Variants in OSBPL9 observed in about 807,000 individuals in gnomAD.
OSBPL9 encodes the protein oxysterol binding protein like 9, also known as oxysterol-binding protein-related protein 9.
OSBPL9 carries 40 observed loss-of-function variants against 106.6 expected under a neutral mutation model. The ratio of observed to expected loss-of-function variants is 0.38; its 90% CI spans 0.29 to 0.49. The LOEUF is 0.49. OSBPL9 is among the 20% of genes least tolerant of loss of function. The probability of loss-of-function intolerance (pLI) is 0.97; values close to 1 mark genes in which losing one functional copy is unlikely to be tolerated. For synonymous variants in OSBPL9, 269 were observed against 295.4 expected (o/e 0.91, Z 0.92); for missense variants, 609 against 887.2 (o/e 0.69, Z 3.98).
the OSBPL9 span, among the ~76,000 whole-genome samples, chr1:51,526,450 T>G: frequency 6.6e-6 from 1 of 152,316 alleles, no homozygotes; most frequent in East Asian, 1.9e-4. Context: ...CTGGAGATTC[T>G]CTTTTTTGTA....
intron 8 of OSBPL9, among the ~76,000 whole-genome samples, chr1:51,756,034 A>G (rs576537351): frequency 3.5e-4 from 54 of 152,324 alleles, no homozygotes; most frequent in African/African-American, 1.3e-3. Flanking sequence ...TTTGCCTGGA[A>G]TTTTGAATGT....
At chr1:51,712,887 T>C (rs1476553247) in intron 3 of OSBPL9, among the ~76,000 whole-genome samples, 1 of 152,262 alleles carries the variant, frequency 6.6e-6, no homozygotes, top group East Asian at 1.9e-4. Flanking sequence ...TTTCATTTGC[T>C]TTTGCTAGTA....
At chr1:51,741,042 A>T (rs1286082819) in intron 4 of OSBPL9, among the ~76,000 whole-genome samples, 2 of 149,030 alleles carry the variant, frequency 1.3e-5, no homozygotes, top group Non-Finnish European at 3.0e-5. Context: ...GTGTATGTGT[A>T]AAGTATAAAT....
chr1:51,766,914 A>C (rs79406341), intron 12 of OSBPL9, among the ~76,000 whole-genome samples: 2 of 100,584 alleles, frequency 2.0e-5, no homozygotes, highest in Non-Finnish European at 4.2e-5. Context: ...TAAAAATACC[A>C]AAAAAAAAAA....
intron 2 of OSBPL9, among the ~76,000 whole-genome samples, chr1:51,661,882 C>T (rs980971573): frequency 6.6e-6 from 1 of 152,104 alleles, no homozygotes; most frequent in Non-Finnish European, 1.5e-5. Context: ...ATTGGTAAAC[C>T]TTAAGCTATT....
chr1:51,521,441 G>T, the OSBPL9 span, among the ~76,000 whole-genome samples: 1 of 152,234 alleles, frequency 6.6e-6, no homozygotes, highest in African/African-American at 2.4e-5. Context: ...GAAAGGCAGT[G>T]CAGAGTAGCA....
chr1:51,601,971 G>C (rs1211600066), intron 2 of OSBPL9, among the ~76,000 whole-genome samples: 2 of 147,830 alleles, frequency 1.4e-5, no homozygotes, highest in South Asian at 4.2e-4. Context: ...AATCCCGTCT[G>C]CCTGGCTGTC....
At chr1:51,579,651 A>G (rs952068911) in intron 1 of OSBPL9, among the ~76,000 whole-genome samples, 2 of 151,998 alleles carry the variant, frequency 1.3e-5, no homozygotes, top group African/African-American at 4.8e-5. Flanking sequence ...GTACTTTCCC[A>G]GAAGTTTGAG....
the OSBPL9 span, among the ~76,000 whole-genome samples, chr1:51,540,716 T>C: frequency 2.6e-5 from 4 of 151,426 alleles, no homozygotes; most frequent in Admixed American, 2.6e-4. Flanking sequence ...TCCAGCACTT[T>C]GGGAGGTCAA....
Position 51,729,776 on chromosome 1 carries a change from C to T in OSBPL9, c.318+15697C>T. The T allele has an allele frequency of 8.2e-7, 1 of 1,216,248 alleles. No individual in the cohort carries two copies. Among genetic ancestry groups the T allele is most frequent in the Non-Finnish European group, 1.0e-6 (1 of 967,488 alleles). 75.3% of individuals were successfully genotyped at this position (1,216,248 alleles called of 1,614,324 possible). On this transcript the variant is annotated intron_variant, in intron 4 of 23. Transcript: ENST00000428468. The surrounding 1 kb of genome is among the most constrained non-coding windows in gnomAD (Gnocchi z 5.1). ...CGCCAGGGCCAGCCAATCGGGGCGA[C>T]CCCTCCGCCGGGGAGGGGACGGGAA...
At position 51,609,507 on chromosome 1, in the gene OSBPL9, C is replaced by CTT. The variant is rs77430161; in HGVS notation, c.-352-4783_-352-4782dup. Among the ~76,000 whole-genome samples the CTT allele has an allele frequency of 1.2e-4, 16 of 133,400 alleles. No individual in the cohort carries two copies. In the East Asian group the frequency reaches 1.7e-3, roughly 14 times the overall value. The allele number at this position is 133,400 out of a possible 152,430, so 87.5% of individuals were successfully genotyped here. ...TACAGGTATGTGCCACCATGCCTGG[C>CTT]TTTTTTTTTTTTTTTTGGTAGAGAC... On this transcript the variant is annotated intron_variant, in intron 2 of 25. Coordinates refer to the OSBPL9 transcript ENST00000371714.
At chr1:51,554,199 G>C in the OSBPL9 span, among the ~76,000 whole-genome samples, 1 of 152,186 alleles carries the variant, frequency 6.6e-6, no homozygotes, top group African/African-American at 2.4e-5. Context: ...CACACACAGA[G>C]GGAGAGAGAG....
chr1:51,760,606 G>A, intron 9 of OSBPL9, 84 bp from the exon 10 acceptor site: 1 of 1,589,050 alleles, frequency 6.3e-7, no homozygotes, highest in Non-Finnish European at 8.6e-7. Context: ...TCAGGATTTT[G>A]AAGTCATAAA....
chr1:51,650,702 T>C (rs1407886107), intron 1 of OSBPL9, among the ~76,000 whole-genome samples: 1 of 152,190 alleles, frequency 6.6e-6, no homozygotes, highest in Non-Finnish European at 1.5e-5. Context: ...AATCATTCAA[T>C]ATTGGCTTGT....
At chr1:51,636,457 C>T (rs895462510) in intron 1 of OSBPL9, among the ~76,000 whole-genome samples, 2 of 151,938 alleles carry the variant, frequency 1.3e-5, no homozygotes, top group Non-Finnish European at 1.5e-5. Context: ...CCCACCTCAG[C>T]CTCCCAAGTA....
chr1:51,690,698 A>G (rs1399851122), intron 3 of OSBPL9, among the ~76,000 whole-genome samples: 2 of 152,238 alleles, frequency 1.3e-5, no homozygotes, highest in Non-Finnish European at 2.9e-5. Flanking sequence ...GGGATACATC[A>G]ATATATAAAA....
At chr1:51,695,676 C>T (rs988454710) in intron 3 of OSBPL9, among the ~76,000 whole-genome samples, 2 of 152,076 alleles carry the variant, frequency 1.3e-5, no homozygotes, top group Non-Finnish European at 1.5e-5. Context: ...CCTAGAGATT[C>T]CATTCTCATT....
At chr1:51,590,095 G>A (rs1299737878) in intron 1 of OSBPL9, among the ~76,000 whole-genome samples, 1 of 151,842 alleles carries the variant, frequency 6.6e-6, no homozygotes, top group Admixed American at 6.6e-5. Context: ...GCTCTTGTGG[G>A]TCATGGTAAG....
chr1:51,580,934 A>ACTT (rs1645217605), intron 1 of OSBPL9, among the ~76,000 whole-genome samples: 1 of 410 alleles, frequency 2.4e-3, no homozygotes, highest in African/African-American at 7.5e-3. Flanking sequence ...ATATATATAT[A>ACTT]TATATATATA....
Sources: gnomAD v4.1 joint callset for allele counts (sites outside exome capture counted in the v4.1 genomes callset) on GRCh38, gnomAD v4.1.1 for gene constraint, Gnocchi (gnomAD v3.1) non-coding constraint, MANE v1.5 for transcripts, NCBI Gene and HGNC (gene_info 2026-07-23, HGNC 2026-07-21) for gene names.